Variants in DAB1 observed in about 807,000 individuals in gnomAD.
DAB1 encodes the protein disabled homolog 1.
Under a neutral mutation model 64.6 loss-of-function variants are expected in DAB1, and 15 were observed. That is an observed-to-expected ratio of 0.23 (90% CI 0.16 to 0.36). The LOEUF is 0.36. DAB1 is among the 10% of genes least tolerant of loss of function. DAB1 has a pLI of 1.00. For synonymous variants in DAB1, 235 were observed against 251.9 expected (o/e 0.93, Z 0.64); for missense variants, 596 against 706.7 (o/e 0.84, Z 1.78).
chr1:57,909,533 G>A (rs532303193), intron 5 of DAB1, among the ~76,000 whole-genome samples: 1 of 151,950 alleles, frequency 6.6e-6, no homozygotes, highest in Non-Finnish European at 1.5e-5. Flanking sequence ...TCAACTATAC[G>A]ACTTTGTATC....
At chr1:57,844,733 AG>A (rs1304042611) in intron 1 of DAB1, among the ~76,000 whole-genome samples, 5 of 152,182 alleles carry the variant, frequency 3.3e-5, no homozygotes, top group Non-Finnish European at 5.9e-5. Flanking sequence ...GTCAAGGGAC[AG>A]GAAGAGAGAG....
At chr1:57,768,310 T>C (rs566525274) in intron 6 of DAB1, among the ~76,000 whole-genome samples, 80 of 151,978 alleles carry the variant, frequency 5.3e-4, no homozygotes, top group Admixed American at 9.8e-4. Context: ...CTCTACAAGA[T>C]GGTGATAATG....
At chr1:57,511,745 T>C (rs951333313) in intron 7 of DAB1, among the ~76,000 whole-genome samples, 2 of 152,128 alleles carry the variant, frequency 1.3e-5, no homozygotes, top group African/African-American at 4.8e-5. Flanking sequence ...AATGAACAAA[T>C]GACACATTTC....
intron 5 of DAB1, among the ~76,000 whole-genome samples, chr1:58,000,716 A>G (rs1646494944): frequency 6.6e-6 from 1 of 151,900 alleles, no homozygotes; most frequent in Non-Finnish European, 1.5e-5. Context: ...GATTACAGGC[A>G]TGTGCCACTG....
rs575619726 is a variant in DAB1, at chr1:57,957,489, A to C, written n.388-73327T>G. Among the ~76,000 whole-genome samples the C allele has an allele frequency of 1.8e-4, 27 of 152,302 alleles. No individual in the cohort carries two copies. The South Asian group carries it at 5.6e-3, about 32-fold the overall frequency. ...CTTTGAGATATATATTAGACATTCA[A>C]ATGGAAATATTAAAAAGGTTATTGG... On this transcript the variant is annotated intron_variant and non_coding_transcript_variant, in intron 5 of 20. Coordinates refer to the DAB1 transcript ENST00000485760.
chr1:58,361,819 TG>T lies in DAB1; in HGVS notation n.258-18417del, dbSNP rs551253952. On this transcript the variant is annotated intron_variant and non_coding_transcript_variant, in intron 3 of 20. Transcript: ENST00000485760. ...TTGAGGCCCACAGCCCACATTCTCA[TG>T]GTCCCTTCATTGTAGCCTAACATCC... Among the ~76,000 whole-genome samples the T allele has an allele frequency of 5.9e-3, 899 of 151,234 alleles. 1 individual carries two copies. Among genetic ancestry groups the T allele is most frequent in the Middle Eastern group, 0.014 (4 of 292 alleles).
At chr1:58,347,780 A>G (rs1249164237) in intron 3 of DAB1, among the ~76,000 whole-genome samples, 1 of 149,540 alleles carries the variant, frequency 6.7e-6, no homozygotes, top group Non-Finnish European at 1.5e-5. Context: ...GTAGAAAGAG[A>G]CTGGAAGAAG....
rs191252699 is a variant in DAB1 at position 57,048,302 on chromosome 1, T to C, written c.723+14582A>G. Among the ~76,000 whole-genome samples the C allele has an allele frequency of 1.1e-4, 17 of 152,362 alleles. No homozygotes were observed. The East Asian group carries it at 3.3e-3, about 29-fold the overall frequency. On this transcript the variant is annotated intron_variant, in intron 9 of 14. Coordinates refer to ENST00000371236, the MANE Select transcript of DAB1 (RefSeq NM_001365792.1). ...ACAAAAGTAATTACATCTCTTCTTA[T>C]TTAATCCACATAATAACCCAGGGAA...
chr1:57,261,246 T>G (rs1289489397), intron 2 of DAB1, among the ~76,000 whole-genome samples: 1 of 151,992 alleles, frequency 6.6e-6, no homozygotes, highest in Non-Finnish European at 1.5e-5. Flanking sequence ...TGAAAATCAA[T>G]CTCCTTGGCC....
intron 6 of DAB1, among the ~76,000 whole-genome samples, chr1:57,809,810 G>A (rs1651532925): frequency 6.6e-6 from 1 of 152,088 alleles, no homozygotes. Flanking sequence ...AAATTAACCT[G>A]ACCTCTTACT....
In DAB1 at chr1:58,074,246, A is replaced by G. The variant is rs560130403; in HGVS notation, n.387+76265T>C. ...TCATGAGAGATGTTACTAGAATTGT[A>G]CTTAAAATTTATTCTGTGGTCATTG... On this transcript the variant is annotated intron_variant and non_coding_transcript_variant, in intron 5 of 20. Coordinates refer to the DAB1 transcript ENST00000485760. Among the ~76,000 whole-genome samples, 172 of 152,134 alleles carry G rather than the reference A, an allele frequency of 1.1e-3. 1 individual carries two copies. Among genetic ancestry groups the G allele is most frequent in the African/African-American group, 4.0e-3 (165 of 41,512 alleles).
intron 1 of DAB1, among the ~76,000 whole-genome samples, chr1:57,827,022 G>T (rs989228542): frequency 6.6e-6 from 1 of 152,186 alleles, no homozygotes; most frequent in Non-Finnish European, 1.5e-5. Context: ...TTGATTTTAC[G>T]GTTGGGAAGG....
chr1:58,200,027 T>C (rs1370111044), intron 4 of DAB1, among the ~76,000 whole-genome samples: 1 of 152,188 alleles, frequency 6.6e-6, no homozygotes, highest in Non-Finnish European at 1.5e-5. Flanking sequence ...CTTCCACTCA[T>C]ATTCCATTGG....
At chr1:57,788,400 A>G (rs767734291) in intron 6 of DAB1, among the ~76,000 whole-genome samples, 9 of 152,220 alleles carry the variant, frequency 5.9e-5, no homozygotes, top group African/African-American at 9.6e-5. Flanking sequence ...TAAAATCATT[A>G]TGCTAAGTGA....
At chr1:57,332,769 G>A (rs970425815) in intron 1 of DAB1, among the ~76,000 whole-genome samples, 2 of 152,198 alleles carry the variant, frequency 1.3e-5, no homozygotes, top group Admixed American at 1.3e-4. Flanking sequence ...GAAAGGGATT[G>A]TTCAAGGTCA....
At chr1:57,651,478 T>G (rs1391390866) in intron 6 of DAB1, among the ~76,000 whole-genome samples, 2 of 152,218 alleles carry the variant, frequency 1.3e-5, no homozygotes, top group Admixed American at 1.3e-4. Context: ...ATAAAACTAG[T>G]GATATATAGC....
chr1:57,447,422 T>C (rs914290557), intron 7 of DAB1, among the ~76,000 whole-genome samples: 1 of 152,210 alleles, frequency 6.6e-6, no homozygotes, highest in African/African-American at 2.4e-5. Flanking sequence ...TATCTCTCTC[T>C]GGGCAGCTGT....
intron 7 of DAB1, among the ~76,000 whole-genome samples, chr1:57,555,709 T>C (rs1200543742): frequency 2.6e-5 from 4 of 152,192 alleles, no homozygotes; most frequent in Non-Finnish European, 5.9e-5. Context: ...AGGGTCACAG[T>C]GCTAATAAGG....
At chr1:57,978,781 G>A (rs147425825) in intron 5 of DAB1, among the ~76,000 whole-genome samples, 2,803 of 152,260 alleles carry the variant, frequency 0.018, 87 homozygotes, top group African/African-American at 0.064. Flanking sequence ...CTTCTCAAAA[G>A]AAGACATTTA....
Sources: allele counts gnomAD v4.1 joint callset (sites outside exome capture counted in the v4.1 genomes callset), GRCh38; gene constraint gnomAD v4.1.1; transcripts MANE v1.5; gene names NCBI Gene and HGNC (gene_info 2026-07-23, HGNC 2026-07-21).